Variants in MCF2 observed in about 807,000 individuals in gnomAD.
The protein encoded by MCF2 is MCF.2 cell line derived transforming sequence, also known as proto-oncogene DBL.
MCF2 carries 44 observed loss-of-function variants against 82.5 expected under a neutral mutation model. The observed-to-expected ratio is 0.53, with a 90% CI of 0.42 to 0.69. The LOEUF is 0.69. Among genes scored for constraint, MCF2 ranks in the 30% least tolerant of loss-of-function variants. MCF2 has a pLI of 0.00. For missense variants in MCF2, 623 were observed against 663.1 expected (o/e 0.94, Z 0.66); for synonymous variants, 217 against 224.9 (o/e 0.96, Z 0.32).
chrX:139,593,895 A>C (rs1248755157), intron 19 of MCF2, among the ~76,000 whole-genome samples: 1 of 110,998 alleles, frequency 9.0e-6, no homozygotes, highest in African/African-American at 3.3e-5. Context: ...TACAAAATCA[A>C]TGTACAAAAA....
At chrX:139,634,322 A>T (rs1933077378) in intron 1 of MCF2, among the ~76,000 whole-genome samples, 1 of 112,051 alleles carries the variant, frequency 8.9e-6, no homozygotes, top group African/African-American at 3.2e-5. Flanking sequence ...AGTTTATGGG[A>T]ACTCTCTGTA....
intron 5 of MCF2, 130 bp downstream of exon 8, chrX:139,626,493 C>T: frequency 2.7e-6 from 2 of 735,942 alleles, no homozygotes; most frequent in African/African-American, 2.1e-5. Flanking sequence ...TGTAGGACAA[C>T]CTAGAAATAA....
intron 3 of MCF2, 98 bp downstream of exon 6, chrX:139,631,297 T>C: frequency 2.2e-6 from 1 of 448,089 alleles, no homozygotes; most frequent in South Asian, 5.8e-5. Flanking sequence ...TTGTTTTGTT[T>C]TGTTTTGTTT....
At chrX:139,636,571 G>A (rs1933233262) in intron 1 of MCF2, among the ~76,000 whole-genome samples, 1 of 110,765 alleles carries the variant, frequency 9.0e-6, no homozygotes, top group South Asian at 3.9e-4. Context: ...GGGATGGGAG[G>A]ATACTATGGG....
chrX:139,617,880 A>C (rs2148462955), intron 7 of MCF2, among the ~76,000 whole-genome samples, 176 bp from the exon 11 acceptor site: 1 of 110,524 alleles, frequency 9.0e-6, no homozygotes, highest in African/African-American at 3.3e-5. Flanking sequence ...AACAAACAAA[A>C]AAACAAAAAC....
chrX:139,691,968 G>T (rs1486253388), intron 1 of MCF2: 48 of 1,164,899 alleles, frequency 4.1e-5, no homozygotes, highest in Non-Finnish European at 5.5e-5. Context: ...GTACTTCTCG[G>T]CAATCCTCAC....
At chrX:139,639,277 G>C (rs1393733334) in intron 1 of MCF2, among the ~76,000 whole-genome samples, 1 of 111,977 alleles carries the variant, frequency 8.9e-6, no homozygotes, top group East Asian at 2.8e-4. Context: ...GGTTAGTCTT[G>C]TTTTATTTCA....
At chrX:139,641,123 T>C (rs922643765) in intron 1 of MCF2, among the ~76,000 whole-genome samples, 1 of 108,455 alleles carries the variant, frequency 9.2e-6, no homozygotes, top group Non-Finnish European at 1.9e-5. Context: ...ATTGTGTGTA[T>C]ATTAATGCAT....
At chrX:139,596,847 A>C (rs759468519) in intron 18 of MCF2, 77 bp from the exon 23 acceptor site, 2 of 663,554 alleles carry the variant, frequency 3.0e-6, no homozygotes, top group Non-Finnish European at 4.8e-6. Flanking sequence ...GTTAGGGTTC[A>C]GCTTAAGCTA....
chrX:139,595,007 C>T (rs200391521), intron 19 of MCF2, among the ~76,000 whole-genome samples: 2,642 of 110,512 alleles, frequency 0.024, 38 homozygotes, highest in East Asian at 0.076. Context: ...CAGAGAAATG[C>T]AAATCAAAAC....
At chrX:139,637,558 G>A (rs1933303892) in intron 1 of MCF2, among the ~76,000 whole-genome samples, 1 of 111,424 alleles carries the variant, frequency 9.0e-6, no homozygotes, top group Non-Finnish European at 1.9e-5. Context: ...AAAGCTTTAA[G>A]GTAGGGAAAG....
chrX:139,678,952 T>C (rs1934937815), intron 1 of MCF2, among the ~76,000 whole-genome samples: 1 of 112,633 alleles, frequency 8.9e-6, no homozygotes, highest in Non-Finnish European at 1.9e-5. Context: ...AAAATTATTT[T>C]AGTCATAACT....
chrX:139,661,514 G>C (rs1934354271), intron 1 of MCF2, among the ~76,000 whole-genome samples: 1 of 111,684 alleles, frequency 9.0e-6, no homozygotes, highest in Non-Finnish European at 1.9e-5. Flanking sequence ...TTTTGTACAA[G>C]CACGTATACA....
exon 8 of MCF2, chrX:139,617,700 A>C: frequency 8.6e-7 from 1 of 1,158,693 alleles, no homozygotes; most frequent in Non-Finnish European, 1.2e-6. Context: ...CTTTGATAAT[A>C]GCTCCTGATT....
At chrX:139,651,747 A>G in exon 2 of MCF2, 2 of 1,164,165 alleles carry the variant, frequency 1.7e-6, no homozygotes, top group South Asian at 1.9e-5. Flanking sequence ...TCTTGCATTA[A>G]GAAATGACTG....
intron 11 of MCF2, among the ~76,000 whole-genome samples, chrX:139,607,995 T>C (rs185945911): frequency 3.5e-3 from 390 of 111,567 alleles, no homozygotes; most frequent in Non-Finnish European, 5.7e-3. Context: ...TTAGAACTTA[T>C]TTTATGTATT....
chrX:139,642,553 T>C, exon 1 of MCF2: 1 of 1,211,042 alleles, frequency 8.3e-7, no homozygotes, highest in Middle Eastern at 2.3e-4. Context: ...TCTTTTCCAA[T>C]TGTCAACGCA....
intron 8 of MCF2, 45 bp from the exon 12 acceptor site, chrX:139,616,518 A>C: frequency 1.2e-6 from 1 of 818,243 alleles, no homozygotes; most frequent in Non-Finnish European, 1.7e-6. Context: ...TGAATTAATA[A>C]AGAGAAAACA....
chrX:139,698,208 A>C lies in MCF2; in HGVS notation c.-45+9898T>G, dbSNP rs148620187. On this transcript the variant is annotated intron_variant, in intron 1 of 27. Coordinates refer to the MCF2 transcript ENST00000414978. ...TTCTGATGGCCAAAGGCTGTGTAAA[A>C]AGTTTAAGAATATTTCCAATGCAAT... is the stretch of plus-strand genomic sequence containing the variant. Among the ~76,000 whole-genome samples the C allele has an allele frequency of 4.0e-3, 453 of 112,675 alleles. 1 individual carries two copies. Among genetic ancestry groups the C allele is most frequent in the African/African-American group, 0.014 (431 of 31,057 alleles).
Sources: allele counts gnomAD v4.1 joint callset (sites outside exome capture counted in the v4.1 genomes callset), GRCh38; gene constraint gnomAD v4.1.1; transcripts MANE v1.5; gene names NCBI Gene and HGNC (gene_info 2026-07-23, HGNC 2026-07-21).